Variants in GPA33 observed in about 807,000 individuals in gnomAD.
The protein encoded by GPA33 is cell surface A33 antigen.
GPA33 carries 27 observed loss-of-function variants against 35.6 expected under a neutral mutation model. The observed-to-expected ratio is 0.76, with a 90% confidence interval of 0.56 to 1.04. The LOEUF (loss-of-function observed/expected upper bound fraction) is 1.04. Among genes scored for constraint, GPA33 ranks in the 50% least tolerant of loss-of-function variants. The pLI is 0.00. For missense variants in GPA33, 428 were observed against 411.9 expected, an observed-to-expected ratio of 1.04 and a Z score of -0.34; for synonymous variants, 176 against 164.0, an observed-to-expected ratio of 1.07 and a Z score of -0.56.
intron 4 of GPA33, among the ~76,000 whole-genome samples, chr1:167,059,022 A>G (rs12023790): frequency 0.65 from 98,560 of 152,136 alleles, 32,274 homozygotes; most frequent in South Asian, 0.72. Context: ...CGGACTCTGG[A>G]TTTAGTGTAG....
chr1:167,056,820 C>T (rs754486191), intron 4 of GPA33, among the ~76,000 whole-genome samples: 151 of 3,014 alleles, frequency 0.05, 1 homozygote, highest in South Asian at 0.087. Flanking sequence ...TATGTGGCAG[C>T]GTTTGTAGTG....
rs188761190 is a variant in GPA33 at position 167,067,615 on chromosome 1, G to A, written c.415+1307C>T. On this transcript the variant is annotated intron_variant, in intron 3 of 6. Transcript: ENST00000367868. The stretch of plus-strand genomic sequence containing the variant: ...AGGGACCCCTAACATACATATGTAC[G>A]TGTGTGTATGGGATGTCTATTGTAG... Among the ~76,000 whole-genome samples the A allele has an allele frequency of 9.2e-5, 14 of 152,228 alleles. No homozygotes were observed. In the East Asian group the frequency reaches 2.3e-3, roughly 25 times the overall value.
chr1:167,056,586 G>GTGTGTGGT (rs1558001573), intron 4 of GPA33, among the ~76,000 whole-genome samples: 11 of 3,654 alleles, frequency 3.0e-3, no homozygotes, highest in East Asian at 7.9e-3. Flanking sequence ...GCATATGTGT[G>GTGTGTGGT]GTATGTGTGT....
At chr1:167,077,696 AAG>A in intron 1 of GPA33, among the ~76,000 whole-genome samples, 1 of 152,330 alleles carries the variant, frequency 6.6e-6, no homozygotes, top group East Asian at 1.9e-4. Context: ...CTGCTCACTC[AAG>A]ATTAAAGGAA....
intron 4 of GPA33, among the ~76,000 whole-genome samples, chr1:167,062,748 C>T (rs946534311): frequency 1.4e-5 from 2 of 145,782 alleles, no homozygotes; most frequent in Non-Finnish European, 3.0e-5. Context: ...AATCCACCAT[C>T]GCCTCCCCTA....
intron 3 of GPA33, among the ~76,000 whole-genome samples, chr1:167,068,679 A>G (rs1666650066): frequency 6.6e-6 from 1 of 152,246 alleles, no homozygotes. Context: ...CCGACAGAGC[A>G]AGGGACCACT....
chr1:167,088,758 G>C (rs1440675431), intron 1 of GPA33, among the ~76,000 whole-genome samples: 2 of 152,200 alleles, frequency 1.3e-5, no homozygotes, highest in Admixed American at 6.5e-5. Flanking sequence ...GTCGCAGCCA[G>C]TCTACAAGTG....
rs770410900 is a variant in GPA33 at position 167,063,643 on chromosome 1, G to T, written c.510C>A (p.Thr170=). The part of the protein sequence containing the change: ...LTCQSKEGSP[T]PQYSWKRYNI... ...TGTACCTCTTCCAGCTGTACTGAGG[G>T]GTTGGTGAGCCCTCCTTTGATTGGC... is the stretch of plus-strand genomic sequence containing the variant. The change falls in exon 4 of 7, where the codon ACC becomes ACA. Residue 170 remains threonine, a synonymous_variant. Transcript: ENST00000367868. 2 of 1,613,652 alleles carry T rather than the reference G, an allele frequency of 1.2e-6. No individual in the cohort carries two copies. The highest frequency in any genetic ancestry group is 1.3e-5 in the African/African-American group (1 of 74,892).
intron 2 of GPA33, among the ~76,000 whole-genome samples, chr1:167,072,951 C>T (rs746977835): frequency 2.0e-5 from 3 of 151,156 alleles, no homozygotes; most frequent in Non-Finnish European, 4.4e-5. Context: ...TCTCAATGCA[C>T]ACTTTTTATG....
chr1:167,062,158 T>TA (rs1021114218), intron 4 of GPA33, among the ~76,000 whole-genome samples: 2 of 151,910 alleles, frequency 1.3e-5, no homozygotes, highest in Non-Finnish European at 2.9e-5. Context: ...TCTTTCTTTT[T>TA]AAAAAATATT....
intron 2 of GPA33, among the ~76,000 whole-genome samples, chr1:167,072,841 G>A (rs547998548): frequency 5.3e-5 from 8 of 151,958 alleles, no homozygotes; most frequent in East Asian, 3.9e-4. Context: ...ATCCATGCTC[G>A]TATATGCCCT....
At chr1:167,082,603 G>C (rs571285604) in intron 1 of GPA33, among the ~76,000 whole-genome samples, 1 of 152,220 alleles carries the variant, frequency 6.6e-6, no homozygotes, top group Non-Finnish European at 1.5e-5. Flanking sequence ...GAGGGGACCC[G>C]AGAGGAGGGG....
chr1:167,088,068 G>C (rs548258558), intron 1 of GPA33, among the ~76,000 whole-genome samples: 5 of 152,260 alleles, frequency 3.3e-5, no homozygotes, highest in East Asian at 3.9e-4. Context: ...GAGTCTTGAG[G>C]CCCATTCATC....
intron 1 of GPA33, among the ~76,000 whole-genome samples, chr1:167,084,624 T>C (rs986382708): frequency 3.9e-5 from 6 of 152,198 alleles, no homozygotes; most frequent in Non-Finnish European, 7.3e-5. Flanking sequence ...CCAGCCATCA[T>C]GTTATGAGGA....
intron 6 of GPA33, 69 bp from the exon 7 acceptor site, chr1:167,054,535 A>T (rs956727575): frequency 6.3e-6 from 10 of 1,598,216 alleles, no homozygotes; most frequent in Non-Finnish European, 7.7e-6. Flanking sequence ...GCTGGGCCTC[A>T]TGTGCATTAC....
intron 2 of GPA33, among the ~76,000 whole-genome samples, chr1:167,072,728 A>G (rs1666742747): frequency 6.6e-6 from 1 of 152,216 alleles, no homozygotes; most frequent in Non-Finnish European, 1.5e-5. Context: ...ACTCATATAC[A>G]CAAAGAGCCC....
chr1:167,056,759 G>GCATATGGTGAGTGTGTGT lies in GPA33; in HGVS notation c.572-911_572-910insACACACACTCACCATATG, dbSNP rs1666296226. Among the ~76,000 whole-genome samples, 181 of 26,680 alleles carry GCATATGGTGAGTGTGTGT rather than the reference G, an allele frequency of 6.8e-3. 1 individual carries two copies. Among genetic ancestry groups the GCATATGGTGAGTGTGTGT allele is most frequent in the South Asian group, 9.4e-3 (5 of 532 alleles). The allele number at this position is 26,680 out of a possible 152,430, so 17.5% of individuals were successfully genotyped here. A position where few individuals can be genotyped will look rare whatever the true frequency, so the allele number is the denominator to read the frequency against. ...GTGGTGTGTGTGGTGTGTGTATGGC[G>GCATATGGTGAGTGTGTGT]TGTGTGTGGTGTGTGTGGCATGTGT... On this transcript the variant is annotated intron_variant, in intron 4 of 6. Transcript: ENST00000367868.
In GPA33 at chr1:167,055,035, G is replaced by T. The variant is rs1558000700; in HGVS notation, c.768C>A (p.Ile256=). ...VAALIIIGII[I]YCCCCRGKDD... Reference sequence around the variant, plus strand: ...CCTTCCCTCGGCAGCAGCAGCAGTAGATGATGATGCCAATGATAATGAGGG... The same window carrying T: ...CCTTCCCTCGGCAGCAGCAGCAGTATATGATGATGCCAATGATAATGAGGG... Residue 256 remains isoleucine (I), a synonymous_variant, in exon 6 of 7, where the codon ATC becomes ATA. Transcript: ENST00000367868. 6.2e-7 allele frequency: 1 copy of T among 1,613,988 alleles called. No homozygotes were observed.
At chr1:167,082,098 G>A (rs888149988) in intron 1 of GPA33, 5 of 348,268 alleles carry the variant, frequency 1.4e-5, no homozygotes, top group African/African-American at 4.4e-5. Context: ...TTCAATTCAC[G>A]GTGTTGGACT....
Sources: gnomAD v4.1 joint callset for allele counts (sites outside exome capture counted in the v4.1 genomes callset) on GRCh38, gnomAD v4.1.1 for gene constraint, MANE v1.5 for transcripts, NCBI Gene and HGNC (gene_info 2026-07-23, HGNC 2026-07-21) for gene names.